Variants in BEND6 observed in about 807,000 individuals in gnomAD.
BEND6 encodes the protein BEN domain containing 6.
Under a neutral mutation model 31.8 loss-of-function variants are expected in BEND6, and 24 were observed. The ratio of observed to expected loss-of-function variants is 0.75; its 90% CI spans 0.55 to 1.06. The LOEUF is 1.06. Among genes scored for constraint, BEND6 ranks in the 50% least tolerant of loss-of-function variants. BEND6 has a pLI of 0.00. For missense variants in BEND6, 294 were observed against 327.4 expected, an observed-to-expected ratio of 0.90 and a Z score of 0.79; for synonymous variants, 109 against 114.6, an observed-to-expected ratio of 0.95 and a Z score of 0.31.
chr6:57,003,432 T>G (rs966550883), intron 3 of BEND6, among the ~76,000 whole-genome samples: 3 of 152,126 alleles, frequency 2.0e-5, no homozygotes, highest in Admixed American at 1.3e-4. Flanking sequence ...GCCCGAGAGA[T>G]GGAGGCTGCA....
chr6:57,020,940 A>AT (rs1398277100), intron 6 of BEND6, among the ~76,000 whole-genome samples: 1 of 151,554 alleles, frequency 6.6e-6, no homozygotes, highest in Non-Finnish European at 1.5e-5. Flanking sequence ...AAGTTAAGAG[A>AT]TTTTTATATC....
chr6:56,997,701 C>T (rs1436859822), intron 3 of BEND6, among the ~76,000 whole-genome samples: 1 of 152,046 alleles, frequency 6.6e-6, no homozygotes, highest in Non-Finnish European at 1.5e-5. Context: ...CTACAGGTGC[C>T]TGCCACCACG....
intron 6 of BEND6, among the ~76,000 whole-genome samples, chr6:57,021,478 A>G (rs1377234644): frequency 6.6e-6 from 1 of 152,146 alleles, no homozygotes; most frequent in East Asian, 1.9e-4. Flanking sequence ...TAAAAGGGTA[A>G]CAATTTCCCA....
chr6:56,973,426 C>A (rs1384377388), intron 1 of BEND6, among the ~76,000 whole-genome samples: 1 of 152,152 alleles, frequency 6.6e-6, no homozygotes, highest in Admixed American at 6.5e-5. Flanking sequence ...TTGTACCGAA[C>A]TCTATATATA....
chr6:56,977,942 G>A (rs1454449568), intron 1 of BEND6, among the ~76,000 whole-genome samples: 1 of 151,968 alleles, frequency 6.6e-6, no homozygotes, highest in Admixed American at 6.6e-5. Context: ...GAGTGACAGA[G>A]CAAGACCCTA....
chr6:56,975,328 TA>T (rs61238475), intron 1 of BEND6, among the ~76,000 whole-genome samples: 2 of 152,056 alleles, frequency 1.3e-5, no homozygotes, highest in Non-Finnish European at 2.9e-5. Context: ...ATATTTTCTT[TA>T]AAAAAATGAA....
At chr6:57,004,046 C>T (rs1827054497) in intron 3 of BEND6, among the ~76,000 whole-genome samples, 1 of 152,200 alleles carries the variant, frequency 6.6e-6, no homozygotes, top group East Asian at 1.9e-4. Context: ...AATGAGCCAC[C>T]TATGACAAAC....
chr6:57,017,134 T>TA, intron 4 of BEND6, 73 bp from the exon 5 acceptor site: 3 of 1,073,058 alleles, frequency 2.8e-6, no homozygotes, highest in Non-Finnish European at 3.8e-6. Context: ...TTTTATGCCT[T>TA]AACTCAATTA....
chr6:57,004,893 GT>G (rs1447381722), intron 3 of BEND6: 14 of 594,058 alleles, frequency 2.4e-5, no homozygotes, highest in African/African-American at 2.2e-4. Context: ...TGTGCCAGTA[GT>G]CCCAGCTACT....
At chr6:56,989,066 A>C (rs1451990091) in intron 2 of BEND6, among the ~76,000 whole-genome samples, 1 of 151,334 alleles carries the variant, frequency 6.6e-6, no homozygotes, top group Non-Finnish European at 1.5e-5. Flanking sequence ...TAACAATAAT[A>C]GTTTTATAAA....
At chr6:57,004,713 C>G in intron 3 of BEND6, 1 of 1,522,662 alleles carries the variant, frequency 6.6e-7, no homozygotes, top group Non-Finnish European at 9.0e-7. Context: ...ACAAACTGGC[C>G]ACTGACAAAA....
intron 4 of BEND6, 120 bp downstream of exon 4, chr6:57,015,473 T>G: frequency 3.0e-6 from 3 of 1,013,322 alleles, no homozygotes; most frequent in Non-Finnish European, 4.2e-6. Context: ...TTTTATTCAA[T>G]AGGAATATTA....
intron 6 of BEND6, among the ~76,000 whole-genome samples, chr6:57,023,582 C>T (rs755277760): frequency 3.9e-5 from 6 of 152,124 alleles, no homozygotes; most frequent in Admixed American, 6.5e-5. Context: ...CATCCTATAC[C>T]TTTTAATTGG....
rs773769766 is a variant in BEND6 at position 56,955,438 on chromosome 6, G to A, written c.-123G>A. On this transcript the variant is annotated 5_prime_UTR_variant, in exon 1 of 7. Coordinates refer to ENST00000370746, the MANE Select transcript of BEND6 (RefSeq NM_152731.3). The stretch of plus-strand genomic sequence containing the variant: ...CCTCCCTGCGCCCCGCCCCGAGGTT[G>A]GGGCTTTGAAGAATGCAGCCGGGTG... 1 of 152,324 alleles carries A rather than the reference G, an allele frequency of 6.6e-6. No individual in the cohort carries two copies. The allele number at this position is 152,324 out of a possible 1,614,324, so 9.4% of individuals were successfully genotyped here.
rs896834881 is a variant in BEND6 at position 56,975,960 on chromosome 6, T to C, written c.-100-5751T>C. On this transcript the variant is annotated intron_variant, in intron 1 of 6. Coordinates refer to ENST00000370746, the MANE Select transcript of BEND6 (RefSeq NM_152731.3). ...GACACCAGCACCAGAGCATACACAG[T>C]CATGGTCGACGCCATGTGCAGTCAT... 5.7e-6 allele frequency: 3 copies of C among 525,494 alleles called. No individual in the cohort carries two copies. The African/African-American group carries it at 5.8e-5, about 10-fold the overall frequency. The allele number at this position is 525,494 out of a possible 1,614,324, so 32.6% of individuals were successfully genotyped here.
rs1212014232 is a variant in BEND6, at chr6:56,981,816, G to T, written c.6G>T (p.Gln2His). 17 of 1,611,738 alleles carry T rather than the reference G, an allele frequency of 1.1e-5. No homozygotes were observed. The highest frequency in any genetic ancestry group is 1.4e-5 in the Non-Finnish European group (17 of 1,179,126). Residue 2 changes from glutamine (Q) to histidine (H), a missense_variant, in exon 2 of 7, where the codon CAG (glutamine) becomes CAT (histidine). Gln to His is a conservative substitution (Grantham distance 24). Transcript: ENST00000370746. M[Q>H]KIVQTDEITN... is the part of the protein sequence containing the mutation. Reference sequence around the variant, plus strand: ...TTTGATAACTAATTGAGAAAATGCAGAAGATCGTGCAGACAGATGAAATTA... The same window carrying T: ...TTTGATAACTAATTGAGAAAATGCATAAGATCGTGCAGACAGATGAAATTA...
intron 3 of BEND6, among the ~76,000 whole-genome samples, chr6:56,993,457 T>C (rs1341768477): frequency 6.6e-6 from 1 of 152,206 alleles, no homozygotes; most frequent in Non-Finnish European, 1.5e-5. Flanking sequence ...GGTAGCAACC[T>C]ACCCTAGAAC....
chr6:56,970,817 G>A (rs1444452326), intron 1 of BEND6, among the ~76,000 whole-genome samples: 3 of 152,130 alleles, frequency 2.0e-5, no homozygotes, highest in Non-Finnish European at 4.4e-5. Flanking sequence ...GGTCTTGAGT[G>A]AATTGTGTGT....
chr6:56,978,128 T>C (rs550792561), intron 1 of BEND6, among the ~76,000 whole-genome samples: 1 of 147,160 alleles, frequency 6.8e-6, no homozygotes, highest in South Asian at 2.2e-4. Context: ...AAAAAAAAAC[T>C]AAAAATTAGA....
Sources: allele counts gnomAD v4.1 joint callset (sites outside exome capture counted in the v4.1 genomes callset), GRCh38; gene constraint gnomAD v4.1.1; transcripts MANE v1.5; gene names NCBI Gene and HGNC (gene_info 2026-07-23, HGNC 2026-07-21).